GGACT: variants seen among roughly 807,000 people sequenced by gnomAD.
GGACT encodes gamma-glutamylaminecyclotransferase.
For synonymous variants in GGACT, 118 were observed against 115.3 expected, an observed-to-expected ratio of 1.02 and a Z score of -0.15; for missense variants, 241 against 233.2, an observed-to-expected ratio of 1.03 and a Z score of -0.22.
chr13:100,580,965 G>A (rs1309989484), intron 2 of GGACT, among the ~76,000 whole-genome samples: 1 of 152,232 alleles, frequency 6.6e-6, no homozygotes, highest in Non-Finnish European at 1.5e-5. Flanking sequence ...GTAGGCAAAT[G>A]TGCCACAGGC....
intron 2 of GGACT, among the ~76,000 whole-genome samples, chr13:100,567,234 A>G (rs1457512904): frequency 1.3e-5 from 2 of 152,190 alleles, no homozygotes; most frequent in African/African-American, 2.4e-5. Context: ...CATTTTATGA[A>G]GAGGGATTTT....
At chr13:100,585,787 A>G (rs1375887169) in intron 1 of GGACT, among the ~76,000 whole-genome samples, 1 of 148,858 alleles carries the variant, frequency 6.7e-6, no homozygotes, top group Non-Finnish European at 1.5e-5. Flanking sequence ...AGGAAAAAAA[A>G]AAAAAAGACC....
intron 2 of GGACT, among the ~76,000 whole-genome samples, chr13:100,546,319 G>A (rs951927340): frequency 2.2e-5 from 3 of 138,020 alleles, no homozygotes; most frequent in Non-Finnish European, 4.5e-5. Flanking sequence ...CCGAGATGGC[G>A]CCACTGCACT....
intron 2 of GGACT, among the ~76,000 whole-genome samples, chr13:100,573,872 T>G (rs1875168609): frequency 8.0e-6 from 1 of 125,462 alleles, no homozygotes; most frequent in Non-Finnish European, 1.7e-5. Flanking sequence ...CAAGATGGCA[T>G]TATCAAAAAG....
intron 2 of GGACT, among the ~76,000 whole-genome samples, chr13:100,557,369 TA>T (rs1400847900): frequency 3.9e-5 from 6 of 152,226 alleles, no homozygotes; most frequent in African/African-American, 1.4e-4. Context: ...TTGTATACTT[TA>T]AAGTGGTGAC....
chr13:100,567,231 T>C (rs938326871), intron 2 of GGACT, among the ~76,000 whole-genome samples: 3 of 152,364 alleles, frequency 2.0e-5, no homozygotes, highest in African/African-American at 7.2e-5. Context: ...AAGCATTTTA[T>C]GAAGAGGGAT....
intron 2 of GGACT, among the ~76,000 whole-genome samples, chr13:100,555,284 G>A (rs953313056): frequency 1.3e-5 from 2 of 152,190 alleles, no homozygotes; most frequent in African/African-American, 4.8e-5. Context: ...CAGCACTTTG[G>A]GAGGCCAAAG....
At chr13:100,555,502 C>T (rs189875345) in intron 2 of GGACT, among the ~76,000 whole-genome samples, 350 of 152,006 alleles carry the variant, frequency 2.3e-3, no homozygotes, top group Non-Finnish European at 4.1e-3. Context: ...TGTACTCCAG[C>T]CTGCGTGACA....
intron 2 of GGACT, among the ~76,000 whole-genome samples, chr13:100,544,359 A>G (rs844385): frequency 0.61 from 93,141 of 152,190 alleles, 29,321 homozygotes; most frequent in East Asian, 0.85. Context: ...GGCTCGGGGC[A>G]ACGTGCCAGG....
intron 1 of GGACT, among the ~76,000 whole-genome samples, chr13:100,587,465 T>C (rs906829319): frequency 2.0e-5 from 3 of 152,182 alleles, no homozygotes; most frequent in African/African-American, 7.2e-5. Flanking sequence ...TAGAACACAG[T>C]GGTCTGCTTA....
chr13:100,549,086 G>T (rs1259218281), intron 2 of GGACT, among the ~76,000 whole-genome samples: 1 of 152,136 alleles, frequency 6.6e-6, no homozygotes, highest in East Asian at 1.9e-4. Context: ...AAGGGCTCGC[G>T]GCTGTAATCC....
In GGACT at chr13:100,532,585, G is replaced by A; in HGVS notation, c.7C>T (p.Leu3=). The A allele has an allele frequency of 6.5e-7, 1 of 1,539,090 alleles. No homozygotes were observed. Among genetic ancestry groups the A allele is most frequent in the Non-Finnish European group, 8.8e-7 (1 of 1,139,014 alleles). The change falls in exon 3 of 3, where the codon CTA becomes TTA. Residue 3 remains leucine, a synonymous_variant. Coordinates refer to ENST00000683975, the MANE Select transcript of GGACT (RefSeq NM_001195087.2). MA[L]VFVYGTLKRG... The stretch of plus-strand genomic sequence containing the variant: ...TTCAGGGTGCCGTACACGAAGACTA[G>A]GGCCATCCGGGCAGAGCTGCAGGGA...
chr13:100,557,756 C>G (rs1021130369), intron 2 of GGACT, among the ~76,000 whole-genome samples: 1 of 152,028 alleles, frequency 6.6e-6, no homozygotes, highest in Non-Finnish European at 1.5e-5. Flanking sequence ...TCAAAAGACT[C>G]GGGTGAGTAA....
intron 2 of GGACT, 136 bp from the exon 3 acceptor site, chr13:100,532,737 G>GTTAC (rs2088432361): frequency 1.5e-6 from 1 of 645,230 alleles, no homozygotes; most frequent in South Asian, 1.9e-5. Context: ...CAGATAAGGC[G>GTTAC]TTACTTACCG....
intron 2 of GGACT, among the ~76,000 whole-genome samples, chr13:100,542,443 G>A (rs2088564114): frequency 6.6e-6 from 1 of 152,112 alleles, no homozygotes; most frequent in Non-Finnish European, 1.5e-5. Context: ...GTCATCCCTC[G>A]TGCACGGATT....
chr13:100,539,150 A>G (rs921532362), intron 2 of GGACT: 1 of 152,248 alleles, frequency 6.6e-6, no homozygotes, highest in African/African-American at 2.4e-5. Context: ...ATTGTTTACA[A>G]ATAGAGTTAA....
intron 2 of GGACT, among the ~76,000 whole-genome samples, chr13:100,578,046 T>TATCAGAAG (rs1875304883): frequency 6.6e-6 from 1 of 152,140 alleles, no homozygotes; most frequent in African/African-American, 2.4e-5. Flanking sequence ...AAAAGGGAAA[T>TATCAGAAG]GGATGTTTTC....
In GGACT at chr13:100,534,854, C is replaced by T. The variant is rs775830644; in HGVS notation, c.-10-2253G>A. 1.3e-5 allele frequency among the ~76,000 whole-genome samples: 2 copies of T among 152,228 alleles called. No individual in the cohort carries two copies. Among genetic ancestry groups the T allele is most frequent in the Non-Finnish European group, 2.9e-5 (2 of 68,030 alleles). On this transcript the variant is annotated intron_variant, in intron 2 of 2. Coordinates refer to ENST00000683975, the MANE Select transcript of GGACT (RefSeq NM_001195087.2). The surrounding 1 kb of genome is among the most constrained non-coding windows in gnomAD (Gnocchi z 4.9). ...TCCTGCTGCAGACTTAACTCTCCCA[C>T]CTCATCTCCTGCACCCTCTCTCCCC...
chr13:100,569,210 G>T (rs1000428931), intron 2 of GGACT, among the ~76,000 whole-genome samples: 2 of 152,252 alleles, frequency 1.3e-5, no homozygotes, highest in African/African-American at 4.8e-5. Context: ...CTGTGTGGGG[G>T]CTTCAACCCC....
Sources: allele counts gnomAD v4.1 joint callset (sites outside exome capture counted in the v4.1 genomes callset), GRCh38; gene constraint gnomAD v4.1.1; non-coding constraint Gnocchi (gnomAD v3.1); transcripts MANE v1.5; gene names NCBI Gene and HGNC (gene_info 2026-07-23, HGNC 2026-07-21).